DHRSX: variants seen among roughly 807,000 people sequenced by gnomAD.
DHRSX encodes dehydrogenase/reductase X-linked.
In DHRSX, 31 loss-of-function variants were observed where a neutral mutation model predicts 34.0. The ratio of observed to expected loss-of-function variants is 0.91; its 90% CI spans 0.69 to 1.23. The LOEUF is 1.23. Ranked by LOEUF, DHRSX falls within the 50% of genes most tolerant of loss-of-function variation. DHRSX has a pLI of 0.00. For synonymous variants in DHRSX, 201 were observed against 183.8 expected (o/e 1.09, Z -0.76); for missense variants, 414 against 428.1 (o/e 0.97, Z 0.29).
At chrX:2,484,062 G>T (rs764503559) in intron 1 of DHRSX, among the ~76,000 whole-genome samples, 2 of 152,122 alleles carry the variant, frequency 1.3e-5, no homozygotes, top group African/African-American at 2.4e-5. Flanking sequence ...TACAACCTCC[G>T]CCTCCCTGGT....
intron 1 of DHRSX, chrX:2,487,955 C>A (rs1250703912): frequency 1.3e-5 from 2 of 151,918 alleles, no homozygotes; most frequent in Non-Finnish European, 2.9e-5. Context: ...TCGGGAAAGG[C>A]TCCTTCGACG....
intron 1 of DHRSX, among the ~76,000 whole-genome samples, chrX:2,492,048 G>A (rs1433528321): frequency 6.6e-6 from 1 of 152,180 alleles, no homozygotes; most frequent in South Asian, 2.1e-4. Context: ...GCACCACCCA[G>A]GCACGTTCAG....
At chrX:2,484,876 A>G (rs1444281541) in intron 1 of DHRSX, among the ~76,000 whole-genome samples, 1 of 147,844 alleles carries the variant, frequency 6.8e-6, no homozygotes, top group Non-Finnish European at 1.5e-5. Flanking sequence ...ACTCACGAGC[A>G]AATGAACGTC....
chrX:2,498,921 C>T (rs1429356026), intron 1 of DHRSX, among the ~76,000 whole-genome samples: 4 of 152,162 alleles, frequency 2.6e-5, no homozygotes. Flanking sequence ...CTACAGTTCC[C>T]TTTACTCTCC....
intron 3 of DHRSX, among the ~76,000 whole-genome samples, chrX:2,317,320 C>G (rs1379309373): frequency 1.5e-5 from 2 of 133,610 alleles, no homozygotes; most frequent in Non-Finnish European, 3.0e-5. Context: ...GGCGCAGTCT[C>G]AGCTCACTGC....
Position 2,500,910 on chromosome X carries a change from C to T in DHRSX, c.16G>A (p.Ala6Thr). ...TAGACCCGCAGGGCCGCCCGCGCCG[C>T]AGACAATGGCGACATGGCTGCCCCG... is the stretch of plus-strand genomic sequence containing the variant. MSPLS[A>T]ARAALRVYAV... The change falls in exon 1 of 7, where the codon GCG becomes ACG. Residue 6 changes from alanine to threonine, a missense_variant. Coordinates refer to ENST00000334651, the MANE Select transcript of DHRSX (RefSeq NM_145177.3). 1 of 1,113,812 alleles carries T rather than the reference C, an allele frequency of 9.0e-7. No homozygotes were observed. Among genetic ancestry groups the T allele is most frequent in the Non-Finnish European group, 1.1e-6 (1 of 910,838 alleles). 69.0% of individuals were successfully genotyped at this position (1,113,812 alleles called of 1,614,324 possible). A position where few individuals can be genotyped will look rare whatever the true frequency, so the allele number is the denominator to read the frequency against.
At chrX:2,315,775 G>A (rs2042234603) in intron 3 of DHRSX, among the ~76,000 whole-genome samples, 2 of 152,172 alleles carry the variant, frequency 1.3e-5, no homozygotes, top group Admixed American at 6.6e-5. Context: ...ACAAAGCTGA[G>A]ATGACATCTG....
intron 1 of DHRSX, among the ~76,000 whole-genome samples, chrX:2,453,395 G>A (rs2044252151): frequency 6.6e-6 from 1 of 151,960 alleles, no homozygotes; most frequent in Admixed American, 6.6e-5. Context: ...AAATTAGCTG[G>A]GTATGGTGGC....
chrX:2,286,205 C>G (rs1256415895), intron 4 of DHRSX, among the ~76,000 whole-genome samples: 1 of 152,194 alleles, frequency 6.6e-6, no homozygotes, highest in African/African-American at 2.4e-5. Flanking sequence ...AATCCAGGTA[C>G]ATCAGACCCA....
intron 1 of DHRSX, among the ~76,000 whole-genome samples, chrX:2,443,582 G>A (rs2124668741): frequency 6.6e-6 from 1 of 152,122 alleles, no homozygotes; most frequent in South Asian, 2.1e-4. Context: ...GACAGCATTT[G>A]GGCTCTGCTC....
chrX:2,370,592 A>G (rs1402838423), intron 3 of DHRSX, among the ~76,000 whole-genome samples: 1 of 32,854 alleles, frequency 3.0e-5, no homozygotes, highest in Non-Finnish European at 1.3e-4. Flanking sequence ...GTTTTACTGA[A>G]AAAAAAAAAA....
intron 2 of DHRSX, among the ~76,000 whole-genome samples, chrX:2,417,510 A>C (rs1031301643): frequency 1.3e-5 from 2 of 152,054 alleles, no homozygotes; most frequent in African/African-American, 4.8e-5. Context: ...GACCTAACCC[A>C]ACTAGACCTC....
chrX:2,488,804 G>A (rs756381297), intron 1 of DHRSX: 51 of 1,613,762 alleles, frequency 3.2e-5, no homozygotes, highest in South Asian at 1.1e-4. Flanking sequence ...GTCCACGTGC[G>A]CGGGAGCCAG....
intron 3 of DHRSX, among the ~76,000 whole-genome samples, chrX:2,314,367 A>AGG (rs2042207702): frequency 1.6e-4 from 1 of 6,340 alleles, no homozygotes; most frequent in African/African-American, 9.8e-4. Context: ...GAAAGAAGGG[A>AGG]GAGAGGGAAA....
intron 1 of DHRSX, among the ~76,000 whole-genome samples, chrX:2,473,557 G>C (rs1219592074): frequency 6.7e-6 from 1 of 150,208 alleles, no homozygotes; most frequent in South Asian, 2.1e-4. Flanking sequence ...TGGGAGGCAG[G>C]GGTTACAGTG....
intron 3 of DHRSX, among the ~76,000 whole-genome samples, chrX:2,330,867 A>G (rs930461278): frequency 2.0e-5 from 3 of 152,162 alleles, no homozygotes; most frequent in African/African-American, 2.4e-5. Context: ...AGGCCTCAGT[A>G]GAAGAAAAGA....
chrX:2,276,768 A>G (rs987798725), intron 4 of DHRSX, among the ~76,000 whole-genome samples: 1 of 149,808 alleles, frequency 6.7e-6, no homozygotes, highest in African/African-American at 2.5e-5. Context: ...GGGAGGGCAA[A>G]GAAGGAAGAG....
rs1226719581 is a variant in DHRSX at position 2,500,935 on chromosome X, G to C, written c.-10C>G. ...CAGACAATGGCGACATGGCTGCCCC[G>C]GCCGCGCCGCCGCCGCTTCCGCGCC... On this transcript the variant is annotated 5_prime_UTR_variant, in exon 1 of 7. Transcript: ENST00000334651. 7.6e-6 allele frequency: 8 copies of C among 1,057,278 alleles called. No homozygotes were observed. Among genetic ancestry groups the C allele is most frequent in the African/African-American group, 3.4e-5 (2 of 58,104 alleles). 65.5% of individuals were successfully genotyped at this position (1,057,278 alleles called of 1,614,324 possible).
chrX:2,299,935 G>C (rs1436836928), intron 3 of DHRSX, among the ~76,000 whole-genome samples: 1 of 151,996 alleles, frequency 6.6e-6, no homozygotes, highest in Non-Finnish European at 1.5e-5. Flanking sequence ...CAGAAATACA[G>C]ATTTCTGAAA....
Sources: gnomAD v4.1 joint callset for allele counts (sites outside exome capture counted in the v4.1 genomes callset) on GRCh38, gnomAD v4.1.1 for gene constraint, MANE v1.5 for transcripts, NCBI Gene and HGNC (gene_info 2026-07-23, HGNC 2026-07-21) for gene names.